The following ADAMTS20 variants were observed in gnomAD, a reference collection of about 807,000 sequenced individuals.
ADAMTS20 encodes ADAM metallopeptidase with thrombospondin type 1 motif 20.
A neutral mutation model predicts 260.1 loss-of-function variants in ADAMTS20; 225 were observed. That is an observed-to-expected ratio of 0.87 (90% CI 0.78 to 0.97). The LOEUF (loss-of-function observed/expected upper bound fraction) is 0.97, where lower values mean the gene tolerates loss of function less well. Ranked by LOEUF, ADAMTS20 falls within the 50% of genes least tolerant of loss-of-function variation. The probability of loss-of-function intolerance (pLI) is 0.00; values close to 1 mark genes in which losing one functional copy is unlikely to be tolerated. For missense variants in ADAMTS20, 2,400 were observed against 2,337.7 expected (o/e 1.03, Z -0.55); for synonymous variants, 802 against 769.5 (o/e 1.04, Z -0.70).
chr12:43,397,061 A>T (rs957900021), intron 29 of ADAMTS20, among the ~76,000 whole-genome samples: 7 of 152,166 alleles, frequency 4.6e-5, no homozygotes, highest in African/African-American at 1.7e-4. Context: ...CTTTGCCATT[A>T]TCCTGACACA....
At chr12:43,362,031 G>C (rs1033024375) in intron 37 of ADAMTS20, among the ~76,000 whole-genome samples, 4 of 152,230 alleles carry the variant, frequency 2.6e-5, no homozygotes, top group Non-Finnish European at 5.9e-5. Context: ...AGCAGACTAG[G>C]TTGCATTGTC....
intron 2 of ADAMTS20, among the ~76,000 whole-genome samples, chr12:43,547,724 A>G (rs752995771): frequency 2.0e-5 from 3 of 152,198 alleles, no homozygotes; most frequent in Non-Finnish European, 4.4e-5. Flanking sequence ...TGAAGGCTGC[A>G]CAATGAATCA....
intron 11 of ADAMTS20, among the ~76,000 whole-genome samples, chr12:43,454,503 A>G (rs1941929363): frequency 6.6e-6 from 1 of 152,208 alleles, no homozygotes; most frequent in African/African-American, 2.4e-5. Flanking sequence ...AGGAAAATGG[A>G]AACTTACAGA....
At chr12:43,431,198 C>T (rs917033187) in intron 22 of ADAMTS20, 134 bp downstream of exon 22, 30 of 754,902 alleles carry the variant, frequency 4.0e-5, no homozygotes, top group Non-Finnish European at 6.0e-5. Flanking sequence ...ATTCACATTT[C>T]AGGGTTGCTG....
intron 3 of ADAMTS20, among the ~76,000 whole-genome samples, chr12:43,502,738 T>TA: frequency 6.6e-6 from 1 of 152,178 alleles, no homozygotes. Flanking sequence ...CAGGACTTCT[T>TA]ATGTTTTTCT....
At position 43,388,957 on chromosome 12, in the gene ADAMTS20, T is replaced by G. The variant is rs1940541488; in HGVS notation, c.4453-4980A>C. Among the ~76,000 whole-genome samples, 8 of 152,058 alleles carry G rather than the reference T, an allele frequency of 5.3e-5. No individual in the cohort carries two copies. The South Asian group carries it at 1.7e-3, about 32-fold the overall frequency. Reference sequence around the variant, plus strand: ...ATGAGCTAGCTTTCTGGGGTGTCCTTTATAAGGGACTAGAAAAGGCCCCAC... The same window carrying G: ...ATGAGCTAGCTTTCTGGGGTGTCCTGTATAAGGGACTAGAAAAGGCCCCAC... On this transcript the variant is annotated intron_variant, in intron 29 of 38. Transcript: ENST00000389420.
At chr12:43,504,149 G>A (rs1292973185) in intron 3 of ADAMTS20, among the ~76,000 whole-genome samples, 1 of 151,926 alleles carries the variant, frequency 6.6e-6, no homozygotes, top group East Asian at 1.9e-4. Context: ...GCTTTCCACA[G>A]TGGCTGAGCT....
chr12:43,365,711 C>T (rs972356879), intron 37 of ADAMTS20, among the ~76,000 whole-genome samples: 4 of 151,552 alleles, frequency 2.6e-5, no homozygotes, highest in Admixed American at 6.6e-5. Flanking sequence ...AAGTTTGTTG[C>T]CTTTATAAAT....
At chr12:43,499,564 G>A (rs66495036) in intron 4 of ADAMTS20, among the ~76,000 whole-genome samples, 30,010 of 150,124 alleles carry the variant, frequency 0.2, 3,337 homozygotes, top group Middle Eastern at 0.3. Context: ...TCTCGGCTGG[G>A]AACCGAGATT....
rs768413229 is a variant in ADAMTS20 at position 43,462,894 on chromosome 12, C to T, written c.1614+1G>A. On this transcript the variant is annotated splice_donor_variant, in intron 11 of 38. Coordinates refer to ENST00000389420, the MANE Select transcript of ADAMTS20 (RefSeq NM_025003.5). LOFTEE classifies it high-confidence loss of function. The stretch of plus-strand genomic sequence containing the variant: ...AAGACTCACCCTTCAAGAAAACCTA[C>T]CATTCCAGGACCGCAGTCTGTTCCA... 9.4e-6 allele frequency: 15 copies of T among 1,599,024 alleles called. No individual in the cohort carries two copies. Among genetic ancestry groups the T allele is most frequent in the Middle Eastern group, 1.6e-4 (1 of 6,068 alleles).
chr12:43,377,328 T>C (rs748933381), intron 32 of ADAMTS20, 37 bp downstream of exon 32: 12 of 1,543,016 alleles, frequency 7.8e-6, no homozygotes, highest in Non-Finnish European at 1.1e-5. Context: ...TAGAAAGTCT[T>C]ATTCAGAAGT....
At chr12:43,404,054 A>G (rs1341698088) in intron 28 of ADAMTS20, among the ~76,000 whole-genome samples, 1 of 152,010 alleles carries the variant, frequency 6.6e-6, no homozygotes, top group Non-Finnish European at 1.5e-5. Flanking sequence ...AGACCAGATT[A>G]GGTAGGGTTC....
intron 16 of ADAMTS20, 45 bp from the exon 17 acceptor site, chr12:43,440,114 A>G: frequency 7.3e-7 from 1 of 1,376,900 alleles, no homozygotes; most frequent in Non-Finnish European, 9.8e-7. Context: ...AACACCAATC[A>G]ACAATACAGA....
chr12:43,365,907 T>C (rs1483764812), intron 37 of ADAMTS20, among the ~76,000 whole-genome samples: 2 of 151,676 alleles, frequency 1.3e-5, no homozygotes, highest in Non-Finnish European at 1.5e-5. Context: ...ATGAAAAAAC[T>C]GAGGAAATTA....
chr12:43,400,629 TC>T (rs900920832), intron 28 of ADAMTS20, among the ~76,000 whole-genome samples: 2 of 151,870 alleles, frequency 1.3e-5, no homozygotes, highest in African/African-American at 4.8e-5. Flanking sequence ...GCTTTACCGT[TC>T]CTGACCATGT....
intron 28 of ADAMTS20, among the ~76,000 whole-genome samples, chr12:43,406,224 G>A (rs1270756986): frequency 6.6e-6 from 1 of 152,134 alleles, no homozygotes; most frequent in Non-Finnish European, 1.5e-5. Flanking sequence ...AATTTGAGAG[G>A]ATTAGTTGTG....
intron 28 of ADAMTS20, among the ~76,000 whole-genome samples, chr12:43,409,616 A>AAAAAAAAAC (rs1940991681): frequency 6.8e-6 from 1 of 147,150 alleles, no homozygotes; most frequent in African/African-American, 2.5e-5. Context: ...AAAAAAAAAA[A>AAAAAAAAAC]AAAAAAAAAA....
intron 3 of ADAMTS20, among the ~76,000 whole-genome samples, chr12:43,528,082 T>C (rs112357675): frequency 0.21 from 31,965 of 151,746 alleles, 3,577 homozygotes; most frequent in Middle Eastern, 0.29. Flanking sequence ...CTCAATCCCT[T>C]TTACAATAGC....
At chr12:43,526,195 G>A (rs552714533) in intron 3 of ADAMTS20, among the ~76,000 whole-genome samples, 4 of 152,292 alleles carry the variant, frequency 2.6e-5, no homozygotes, top group South Asian at 4.1e-4. Flanking sequence ...AGTGGCTCAC[G>A]CCTGTAATCC....
Sources: gnomAD v4.1 joint callset for allele counts (sites outside exome capture counted in the v4.1 genomes callset) on GRCh38, gnomAD v4.1.1 for gene constraint, MANE v1.5 for transcripts, NCBI Gene and HGNC (gene_info 2026-07-23, HGNC 2026-07-21) for gene names.